RHBDD1: variants seen among roughly 807,000 people sequenced by gnomAD.
The protein encoded by RHBDD1 is rhomboid domain containing 1, also known as rhomboid-related protein 4.
In RHBDD1, 38 loss-of-function variants were observed where a neutral mutation model predicts 36.3. The observed-to-expected ratio is 1.05, with a 90% CI of 0.81 to 1.37. The LOEUF is 1.37. RHBDD1 is among the 40% of genes most tolerant of loss of function. The pLI is 0.00. For missense variants in RHBDD1, 393 were observed against 377.6 expected (o/e 1.04, Z -0.34); for synonymous variants, 151 against 136.5 (o/e 1.11, Z -0.74).
At chr2:226,901,689 A>C (rs989310585) in intron 5 of RHBDD1, among the ~76,000 whole-genome samples, 1 of 152,178 alleles carries the variant, frequency 6.6e-6, no homozygotes, top group Non-Finnish European at 1.5e-5. Context: ...GAAATAGCAA[A>C]ATGAAAAGGC....
chr2:226,926,849 T>C (rs1949701147), intron 8 of RHBDD1, among the ~76,000 whole-genome samples: 1 of 152,254 alleles, frequency 6.6e-6, no homozygotes, highest in Non-Finnish European at 1.5e-5. Flanking sequence ...TTGTAGTCTT[T>C]GGTGATCTTT....
At chr2:226,921,773 A>G (rs921875144) in intron 8 of RHBDD1, among the ~76,000 whole-genome samples, 1 of 152,164 alleles carries the variant, frequency 6.6e-6, no homozygotes, top group South Asian at 2.1e-4. Flanking sequence ...ATCCTTGAGA[A>G]TGATTCATGT....
At chr2:226,859,249 G>A (rs556614105) in intron 3 of RHBDD1, among the ~76,000 whole-genome samples, 135 of 152,166 alleles carry the variant, frequency 8.9e-4, no homozygotes, top group Admixed American at 1.4e-3. Flanking sequence ...AATTTTTGGC[G>A]GGAGTGGGGT....
At chr2:226,913,501 T>C (rs1055675932) in intron 7 of RHBDD1, among the ~76,000 whole-genome samples, 14 of 152,178 alleles carry the variant, frequency 9.2e-5, no homozygotes, top group African/African-American at 2.2e-4. Context: ...AATGGAAATA[T>C]CTTCCAAAAA....
At position 226,854,965 on chromosome 2, in the gene RHBDD1, T is replaced by C. The variant is rs1345835019; in HGVS notation, c.-90-9639T>C. Among the ~76,000 whole-genome samples the C allele has an allele frequency of 2.0e-5, 3 of 152,340 alleles. No homozygotes were observed. The South Asian group carries it at 6.2e-4, about 32-fold the overall frequency. Reference sequence around the variant, plus strand: ...TTTCAGTGTATAATACATGTTCTTATTAATGGCTTATCTGTCTAGAACATT... The same window carrying C: ...TTTCAGTGTATAATACATGTTCTTACTAATGGCTTATCTGTCTAGAACATT... On this transcript the variant is annotated intron_variant, in intron 3 of 8. Transcript: ENST00000392062.
chr2:226,966,005 G>T (rs1184288909), intron 8 of RHBDD1, among the ~76,000 whole-genome samples: 1 of 151,992 alleles, frequency 6.6e-6, no homozygotes, highest in Non-Finnish European at 1.5e-5. Context: ...GAATATAGCA[G>T]CACATCAAAA....
the RHBDD1 span, among the ~76,000 whole-genome samples, chr2:226,808,040 G>A: frequency 6.6e-6 from 1 of 152,200 alleles, no homozygotes; most frequent in African/African-American, 2.4e-5. Context: ...CACTCTGGAA[G>A]CTCTGTTGGA....
the RHBDD1 span, among the ~76,000 whole-genome samples, chr2:226,820,489 T>C: frequency 2.0e-5 from 3 of 151,868 alleles, no homozygotes; most frequent in East Asian, 1.9e-4. Flanking sequence ...AAGAATTCCA[T>C]AGAGAAGTAA....
Position 226,864,503 on chromosome 2 carries a change from G to A in RHBDD1, c.-90-101G>A, listed in dbSNP as rs1944152869. On this transcript the variant is annotated intron_variant, in intron 3 of 8. Coordinates refer to ENST00000392062, the MANE Select transcript of RHBDD1 (RefSeq NM_001167608.3). ...AACATAAATATTTCTGTTAGAATGA[G>A]AAGTAGCATTTGCCTCATGGGAGTT... The A allele has an allele frequency of 5.2e-6, 3 of 575,784 alleles. No individual in the cohort carries two copies. In the Admixed American group the frequency reaches 9.8e-5, roughly 19 times the overall value. The allele number at this position is 575,784 out of a possible 1,614,324, so 35.7% of individuals were successfully genotyped here.
chr2:226,943,609 A>G (rs13420679), intron 8 of RHBDD1, among the ~76,000 whole-genome samples: 2,847 of 152,134 alleles, frequency 0.019, 90 homozygotes, highest in African/African-American at 0.066. Flanking sequence ...TACTCTCTTC[A>G]TTGTGTCTTT....
At chr2:226,801,205 C>A in the RHBDD1 span, among the ~76,000 whole-genome samples, 172 of 152,262 alleles carry the variant, frequency 1.1e-3, 1 homozygote, top group Admixed American at 2.3e-3. Flanking sequence ...TGGCTGGGAC[C>A]CGGCGGGCCG....
intron 5 of RHBDD1, among the ~76,000 whole-genome samples, chr2:226,885,425 A>G (rs1342173390): frequency 6.6e-6 from 1 of 152,176 alleles, no homozygotes; most frequent in South Asian, 2.1e-4. Context: ...TAAACATCCA[A>G]TAGTACATGA....
chr2:226,847,958 G>A (rs1195222924), intron 3 of RHBDD1, among the ~76,000 whole-genome samples: 1 of 152,218 alleles, frequency 6.6e-6, no homozygotes, highest in Non-Finnish European at 1.5e-5. Flanking sequence ...CTCCCAGCCA[G>A]AATCCTAGCC....
In RHBDD1 at chr2:226,894,452, G is replaced by T. The variant is rs561728526; in HGVS notation, c.567-12341G>T. 2.0e-5 allele frequency among the ~76,000 whole-genome samples: 3 copies of T among 152,148 alleles called. No homozygotes were observed. In the South Asian group the frequency reaches 6.2e-4, roughly 32 times the overall value. The stretch of plus-strand genomic sequence containing the variant: ...CACATGGCAAATTTTTGTATTTTTA[G>T]TAGAGATGGGGTTTCACCATGTTGG... On this transcript the variant is annotated intron_variant, in intron 5 of 8. Transcript: ENST00000392062.
the RHBDD1 span, among the ~76,000 whole-genome samples, chr2:226,814,850 G>A: frequency 6.6e-6 from 1 of 152,196 alleles, no homozygotes; most frequent in Non-Finnish European, 1.5e-5. Context: ...GTTTACATCA[G>A]TTCCTTAACC....
intron 5 of RHBDD1, among the ~76,000 whole-genome samples, chr2:226,893,489 G>A (rs1037769286): frequency 6.6e-6 from 1 of 152,120 alleles, no homozygotes; most frequent in South Asian, 2.1e-4. Flanking sequence ...TTTCAGTTGT[G>A]GTGGGAACTT....
chr2:226,938,747 A>G (rs1950500106), intron 8 of RHBDD1, among the ~76,000 whole-genome samples: 1 of 152,058 alleles, frequency 6.6e-6, no homozygotes, highest in Non-Finnish European at 1.5e-5. Context: ...AATGAAAGAA[A>G]AAAAAAACGG....
intron 8 of RHBDD1, among the ~76,000 whole-genome samples, chr2:226,987,360 G>T (rs1048159134): frequency 1.3e-5 from 2 of 152,164 alleles, no homozygotes; most frequent in African/African-American, 4.8e-5. Flanking sequence ...AATTGGGATG[G>T]GAGGACGGCA....
At chr2:226,937,754 C>T (rs749631164) in intron 8 of RHBDD1, among the ~76,000 whole-genome samples, 6 of 152,108 alleles carry the variant, frequency 3.9e-5, no homozygotes, top group Non-Finnish European at 7.4e-5. Context: ...TCACTCATGT[C>T]CTTGCACAAG....
Sources: gnomAD v4.1 joint callset for allele counts (sites outside exome capture counted in the v4.1 genomes callset) on GRCh38, gnomAD v4.1.1 for gene constraint, MANE v1.5 for transcripts, NCBI Gene and HGNC (gene_info 2026-07-23, HGNC 2026-07-21) for gene names.